The following DNAJC1 variants were observed in gnomAD, a reference collection of about 807,000 sequenced individuals.
The protein encoded by DNAJC1 is dnaJ homolog subfamily C member 1.
A neutral mutation model predicts 76.6 loss-of-function variants in DNAJC1; 58 were observed. That is an observed-to-expected ratio of 0.76 (90% CI 0.61 to 0.94). The LOEUF (loss-of-function observed/expected upper bound fraction) is 0.94, where lower values mean the gene tolerates loss of function less well. DNAJC1 is among the 40% of genes least tolerant of loss of function. The pLI, the probability that DNAJC1 is intolerant of heterozygous loss-of-function variation, is 0.00. For missense variants in DNAJC1, 689 were observed against 677.3 expected (o/e 1.02, Z -0.19); for synonymous variants, 258 against 267.9 (o/e 0.96, Z 0.36).
intron 1 of DNAJC1, among the ~76,000 whole-genome samples, chr10:21,980,498 T>G (rs1003360582): frequency 6.6e-6 from 1 of 152,082 alleles, no homozygotes; most frequent in Non-Finnish European, 1.5e-5. Flanking sequence ...AACTGTCCAA[T>G]ATTCTCCAAA....
At chr10:21,773,594 T>G (rs1015592662) in intron 9 of DNAJC1, among the ~76,000 whole-genome samples, 1 of 152,232 alleles carries the variant, frequency 6.6e-6, no homozygotes. Context: ...AAAACGTATA[T>G]TCTATTGTTA....
chr10:21,851,293 A>C (rs1835748115), intron 8 of DNAJC1, among the ~76,000 whole-genome samples: 1 of 152,218 alleles, frequency 6.6e-6, no homozygotes, highest in Non-Finnish European at 1.5e-5. Flanking sequence ...AACAACAAAA[A>C]GACAACCCAA....
At chr10:21,772,327 A>T (rs1834395318) in intron 9 of DNAJC1, among the ~76,000 whole-genome samples, 1 of 143,480 alleles carries the variant, frequency 7.0e-6, no homozygotes, top group Admixed American at 7.1e-5. Flanking sequence ...GTTTGGTAGA[A>T]TTCAGTGGTG....
At chr10:21,919,468 T>C (rs558208375) in intron 5 of DNAJC1, among the ~76,000 whole-genome samples, 18 of 152,078 alleles carry the variant, frequency 1.2e-4, no homozygotes, top group African/African-American at 4.3e-4. Context: ...ATAGAAGAAA[T>C]GGTGGTATCT....
chr10:21,857,708 T>G (rs1483266663), intron 8 of DNAJC1, among the ~76,000 whole-genome samples: 1 of 151,918 alleles, frequency 6.6e-6, no homozygotes, highest in Non-Finnish European at 1.5e-5. Flanking sequence ...ATACAAAAAT[T>G]ATCTGGGCAT....
chr10:21,892,120 T>C (rs746081376), intron 7 of DNAJC1, among the ~76,000 whole-genome samples: 5 of 152,052 alleles, frequency 3.3e-5, no homozygotes, highest in Non-Finnish European at 7.4e-5. Context: ...ATATATAACA[T>C]ACTTATTATA....
intron 8 of DNAJC1, among the ~76,000 whole-genome samples, chr10:21,826,851 T>C (rs79897603): frequency 0.047 from 7,098 of 152,282 alleles, 222 homozygotes; most frequent in Non-Finnish European, 0.072. Flanking sequence ...TTCTATTTTA[T>C]TGGTCTACAT....
chr10:21,851,866 AAC>A (rs1381154472), intron 8 of DNAJC1, among the ~76,000 whole-genome samples: 1 of 151,972 alleles, frequency 6.6e-6, no homozygotes, highest in Non-Finnish European at 1.5e-5. Flanking sequence ...CATCCTGGCT[AAC>A]ACAGTGAAAC....
At chr10:21,769,198 G>C (rs1387052048) in intron 9 of DNAJC1, among the ~76,000 whole-genome samples, 12 of 152,160 alleles carry the variant, frequency 7.9e-5, no homozygotes, top group Non-Finnish European at 1.5e-4. Context: ...GAAAAGAAAT[G>C]ATTAACCTAG....
At chr10:21,772,119 A>C (rs1834385272) in intron 9 of DNAJC1, among the ~76,000 whole-genome samples, 1 of 152,040 alleles carries the variant, frequency 6.6e-6, no homozygotes, top group African/African-American at 2.4e-5. Context: ...TTCTTTTTAT[A>C]AGTTGCCGAA....
intron 6 of DNAJC1, among the ~76,000 whole-genome samples, chr10:21,912,881 T>G (rs994437529): frequency 6.6e-6 from 1 of 152,106 alleles, no homozygotes; most frequent in Non-Finnish European, 1.5e-5. Context: ...CCTCCAGGCT[T>G]GTCCACAGTT....
At chr10:21,775,939 A>G (rs953369900) in intron 9 of DNAJC1, among the ~76,000 whole-genome samples, 2 of 152,140 alleles carry the variant, frequency 1.3e-5, no homozygotes, top group African/African-American at 4.8e-5. Flanking sequence ...CTGTGGTGGA[A>G]TATGTTTCAC....
intron 9 of DNAJC1, among the ~76,000 whole-genome samples, chr10:21,787,734 G>A (rs905149959): frequency 6.6e-6 from 1 of 152,136 alleles, no homozygotes; most frequent in African/African-American, 2.4e-5. Context: ...TAGGCAAGAG[G>A]ATCCCAGCAG....
At chr10:21,984,103 T>C (rs138728421) in intron 1 of DNAJC1, among the ~76,000 whole-genome samples, 125 of 152,170 alleles carry the variant, frequency 8.2e-4, no homozygotes, top group African/African-American at 2.6e-3. Context: ...TAGACAAAAA[T>C]ATCAAAAGTG....
intron 9 of DNAJC1, among the ~76,000 whole-genome samples, chr10:21,772,875 G>A (rs1013214706): frequency 3.9e-5 from 6 of 152,214 alleles, no homozygotes; most frequent in Admixed American, 3.3e-4. Context: ...CTTGGCTTCT[G>A]GGGAAGCCTC....
At chr10:21,852,646 T>C (rs1835775935) in intron 8 of DNAJC1, among the ~76,000 whole-genome samples, 1 of 152,130 alleles carries the variant, frequency 6.6e-6, no homozygotes, top group Admixed American at 6.5e-5. Context: ...TTGGTTACAA[T>C]TACTTGGGAA....
chr10:21,773,793 C>G (rs1834419944), intron 9 of DNAJC1, among the ~76,000 whole-genome samples: 1 of 150,896 alleles, frequency 6.6e-6, no homozygotes, highest in African/African-American at 2.4e-5. Context: ...ATAAATGTCC[C>G]TCTTTATTAA....
chr10:21,900,238 G>A (rs1311635849), intron 7 of DNAJC1, among the ~76,000 whole-genome samples: 1 of 151,806 alleles, frequency 6.6e-6, no homozygotes, highest in Non-Finnish European at 1.5e-5. Context: ...AGCTACTCGG[G>A]AGGCTGAGAC....
chr10:21,920,246 G>A (rs1256439444), intron 4 of DNAJC1, among the ~76,000 whole-genome samples: 1 of 151,976 alleles, frequency 6.6e-6, no homozygotes, highest in Admixed American at 6.6e-5. Context: ...AAAGGAATGA[G>A]TAAACAGATG....
Sources: gnomAD v4.1 joint callset for allele counts (sites outside exome capture counted in the v4.1 genomes callset) on GRCh38, gnomAD v4.1.1 for gene constraint, MANE v1.5 for transcripts, NCBI Gene and HGNC (gene_info 2026-07-23, HGNC 2026-07-21) for gene names.